DRICH1: variants seen among roughly 807,000 people sequenced by gnomAD.
The protein encoded by DRICH1 is aspartate-rich protein 1.
A neutral mutation model predicts 39.5 loss-of-function variants in DRICH1; 38 were observed. The ratio of observed to expected loss-of-function variants is 0.96; its 90% CI spans 0.74 to 1.26. The LOEUF is 1.26. Ranked by LOEUF, DRICH1 falls within the 50% of genes most tolerant of loss-of-function variation. The pLI is 0.00. For missense variants in DRICH1, 279 were observed against 270.4 expected (o/e 1.03, Z -0.22); for synonymous variants, 84 against 99.5 (o/e 0.84, Z 0.93).
chr22:23,603,053 T>C, the DRICH1 span, among the ~76,000 whole-genome samples: 3 of 149,112 alleles, frequency 2.0e-5, no homozygotes, highest in Non-Finnish European at 4.5e-5. Context: ...TCGCCCAGGC[T>C]GGAGTGCAGT....
chr22:23,626,119 G>A (rs748230348), intron 1 of DRICH1, 71 bp from the exon 2 acceptor site: 4 of 1,044,566 alleles, frequency 3.8e-6, no homozygotes, highest in African/African-American at 1.6e-5. Context: ...GAGCTTTGCT[G>A]GATGCGGCAC....
chr22:23,607,438 G>A (rs997137031), downstream of DRICH1, among the ~76,000 whole-genome samples: 2 of 152,112 alleles, frequency 1.3e-5, no homozygotes, highest in Non-Finnish European at 2.9e-5. Context: ...CAGTGGTTGG[G>A]GAGTGTTCCC....
Position 23,631,956 on chromosome 22 carries a change from C to A in DRICH1, c.68G>T (p.Cys23Phe). Residue 23 changes from cysteine (C) to phenylalanine (F), a missense_variant, in exon 1 of 12, where the codon TGT becomes TTT. By Grantham distance (205) the Cys-to-Phe change is radical. Transcript: ENST00000317749. ...ATAAATATCAGTATCAGATTCATAA[C>A]AGGGTGCGTCCTTCCCCCTGGGCCA... is the stretch of plus-strand genomic sequence containing the variant. ...CGWPRGKDAP[C>F]YESDTDIYET... The A allele has an allele frequency of 6.2e-7, 1 of 1,613,778 alleles. No homozygotes were observed. The highest frequency in any genetic ancestry group is 8.5e-7 in the Non-Finnish European group (1 of 1,180,024).
chr22:23,585,089 C>CT, the DRICH1 span, among the ~76,000 whole-genome samples: 1 of 151,972 alleles, frequency 6.6e-6, no homozygotes, highest in Non-Finnish European at 1.5e-5. Flanking sequence ...TTCTCTCTTT[C>CT]TTTTTTTTCC....
At position 23,617,557 on chromosome 22, in the gene DRICH1, A is replaced by T. The variant is rs1602338269; in HGVS notation, c.519+18T>A. The T allele has an allele frequency of 1.2e-6, 2 of 1,613,522 alleles. No individual in the cohort carries two copies. Among genetic ancestry groups the T allele is most frequent in the African/African-American group, 2.7e-5 (2 of 74,834 alleles). On this transcript the variant is annotated intron_variant, in intron 7 of 11. Coordinates refer to ENST00000317749, the MANE Select transcript of DRICH1 (RefSeq NM_016449.4). ...GAAAACCAACATTTCCTTAGAAGAC[A>T]AAGAAAGGTTGTCTTACCTGGGCAT...
intron 1 of DRICH1, among the ~76,000 whole-genome samples, chr22:23,628,211 C>T (rs890019471): frequency 2.0e-5 from 3 of 152,240 alleles, no homozygotes; most frequent in African/African-American, 7.2e-5. Context: ...TCCCTCCCCA[C>T]CTCCCCTGCT....
chr22:23,588,026 T>C, the DRICH1 span, among the ~76,000 whole-genome samples: 1 of 152,180 alleles, frequency 6.6e-6, no homozygotes, highest in African/African-American at 2.4e-5. Flanking sequence ...GCCCATGCTA[T>C]ATTCGCATGG....
rs760110073 is a variant in DRICH1, at chr22:23,620,591, T to C, written c.406+3A>G. On this transcript the variant is annotated splice_donor_region_variant and intron_variant, in intron 5 of 11. Coordinates refer to ENST00000317749, the MANE Select transcript of DRICH1 (RefSeq NM_016449.4). ...AGAAAGTGAGTTAGTTCAAGGTACATACCCTGGACACGTGACGGTAAAATC... is the reference window on the plus strand; with the variant it reads ...AGAAAGTGAGTTAGTTCAAGGTACACACCCTGGACACGTGACGGTAAAATC... 7 of 1,613,804 alleles carry C rather than the reference T, an allele frequency of 4.3e-6. No homozygotes were observed. In the African/African-American group the frequency reaches 8.0e-5, roughly 18 times the overall value.
At chr22:23,624,090 G>C in intron 3 of DRICH1, 1 of 985,306 alleles carries the variant, frequency 1.0e-6, no homozygotes, top group Non-Finnish European at 1.2e-6. Flanking sequence ...CACACTCAGG[G>C]AGATGTCTTG....
chr22:23,594,907 G>C, the DRICH1 span, among the ~76,000 whole-genome samples: 1 of 151,554 alleles, frequency 6.6e-6, no homozygotes, highest in South Asian at 2.1e-4. Flanking sequence ...CCCTTTGAAA[G>C]AGGTGAGCAG....
intron 1 of DRICH1, among the ~76,000 whole-genome samples, chr22:23,629,984 C>T (rs1928295211): frequency 6.6e-6 from 1 of 152,168 alleles, no homozygotes; most frequent in Admixed American, 6.5e-5. Context: ...TCTTCCTGAT[C>T]CTTCCCTGCT....
chr22:23,595,844 G>A, the DRICH1 span, among the ~76,000 whole-genome samples: 6 of 152,208 alleles, frequency 3.9e-5, no homozygotes, highest in East Asian at 3.8e-4. Context: ...GAGATCTAGG[G>A]AGGAGGAACT....
At chr22:23,615,326 C>T (rs1036591386) in intron 8 of DRICH1, among the ~76,000 whole-genome samples, 5 of 152,088 alleles carry the variant, frequency 3.3e-5, no homozygotes, top group African/African-American at 1.2e-4. Context: ...CAGTGAGCCG[C>T]GATCACGCCA....
chr22:23,631,412 T>G (rs922218458), intron 1 of DRICH1, among the ~76,000 whole-genome samples: 1 of 143,994 alleles, frequency 6.9e-6, no homozygotes, highest in Non-Finnish European at 1.5e-5. Flanking sequence ...CAAGACTCCA[T>G]CTAAAATAAA....
downstream of DRICH1, among the ~76,000 whole-genome samples, chr22:23,605,148 C>T (rs1488239323): frequency 6.6e-6 from 1 of 152,134 alleles, no homozygotes; most frequent in Non-Finnish European, 1.5e-5. Context: ...ATGATTATCA[C>T]CTGGGGTATA....
At chr22:23,600,605 C>T in the DRICH1 span, among the ~76,000 whole-genome samples, 18,038 of 62,820 alleles carry the variant, frequency 0.29, 1,193 homozygotes, top group African/African-American at 0.35. Context: ...CTTCATTAAC[C>T]GAACCCTCCC....
intron 1 of DRICH1, 76 bp from the exon 2 acceptor site, chr22:23,626,124 C>T (rs940963833): frequency 6.2e-5 from 61 of 986,096 alleles, no homozygotes; most frequent in Non-Finnish European, 9.2e-5. Context: ...TTGCTGGATG[C>T]GGCACATGGA....
Position 23,616,758 on chromosome 22 carries a change from C to T in DRICH1, c.541+95G>A, listed in dbSNP as rs142379053. The stretch of plus-strand genomic sequence containing the variant: ...CAGAATCATTTGCTCTCACCACACC[C>T]CCAATATTTTTTAACAGGAACCCAG... On this transcript the variant is annotated intron_variant, in intron 8 of 11. Transcript: ENST00000317749. The T allele has an allele frequency of 1.3e-3, 2,016 of 1,497,834 alleles. 3 individuals carry two copies. Among genetic ancestry groups the T allele is most frequent in the Non-Finnish European group, 1.7e-3 (1,812 of 1,075,112 alleles). The allele number at this position is 1,497,834 out of a possible 1,614,324, so 92.8% of individuals were successfully genotyped here.
At chr22:23,621,937 A>AAAAGAAAAGAAAAAAGAAACAAAG (rs1378623651) in intron 4 of DRICH1, among the ~76,000 whole-genome samples, 154 bp downstream of exon 4, 4 of 152,098 alleles carry the variant, frequency 2.6e-5, no homozygotes, top group Non-Finnish European at 5.9e-5. Context: ...ACAAAAAAAG[A>AAAAGAAAAGAAAAAAGAAACAAAG]AAAGAAAAGA....
Sources: allele counts gnomAD v4.1 joint callset (sites outside exome capture counted in the v4.1 genomes callset), GRCh38; gene constraint gnomAD v4.1.1; transcripts MANE v1.5; gene names NCBI Gene and HGNC (gene_info 2026-07-23, HGNC 2026-07-21).